CACNB4: variants seen among roughly 807,000 people sequenced by gnomAD.
CACNB4 encodes voltage-dependent L-type calcium channel subunit beta-4.
CACNB4 carries 32 observed loss-of-function variants against 71.2 expected under a neutral mutation model. The observed-to-expected ratio is 0.45, with a 90% CI of 0.34 to 0.60. The LOEUF is 0.60. Among genes scored for constraint, CACNB4 ranks in the 20% least tolerant of loss-of-function variants. The pLI is 0.01. For synonymous variants in CACNB4, 231 were observed against 236.9 expected (o/e 0.97, Z 0.23); for missense variants, 464 against 647.9 (o/e 0.72, Z 3.08).
chr2:151,926,803 A>G (rs1350350009), intron 2 of CACNB4, among the ~76,000 whole-genome samples: 1 of 152,192 alleles, frequency 6.6e-6, no homozygotes, highest in African/African-American at 2.4e-5. Flanking sequence ...CTGCTCTACA[A>G]GTGCTCCGAT....
At chr2:151,953,391 C>G (rs1207896167) in intron 2 of CACNB4, among the ~76,000 whole-genome samples, 1 of 152,200 alleles carries the variant, frequency 6.6e-6, no homozygotes, top group African/African-American at 2.4e-5. Context: ...TCCTTTCAAG[C>G]CCTCCAACTC....
At chr2:151,876,095 C>A (rs960131576) in intron 5 of CACNB4, among the ~76,000 whole-genome samples, 2 of 152,092 alleles carry the variant, frequency 1.3e-5, no homozygotes, top group African/African-American at 4.8e-5. Flanking sequence ...GTAAGCGAAC[C>A]AAGAGGAGCC....
chr2:151,844,266 T>G (rs1157612409), intron 12 of CACNB4, among the ~76,000 whole-genome samples: 1 of 151,800 alleles, frequency 6.6e-6, no homozygotes, highest in Non-Finnish European at 1.5e-5. Context: ...TTCAGAAAAA[T>G]AAAGAGACTG....
At chr2:152,003,258 T>C (rs1287165326) in intron 2 of CACNB4, among the ~76,000 whole-genome samples, 2 of 151,730 alleles carry the variant, frequency 1.3e-5, no homozygotes, top group African/African-American at 2.4e-5. Context: ...GTCTGGCCAA[T>C]ATGGTGAAAC....
At chr2:152,007,932 C>T (rs2151790801) in intron 2 of CACNB4, among the ~76,000 whole-genome samples, 1 of 152,094 alleles carries the variant, frequency 6.6e-6, no homozygotes, top group Non-Finnish European at 1.5e-5. Flanking sequence ...CCACCATGCC[C>T]AGCTAATTTT....
At chr2:152,028,711 T>A (rs947788471) in intron 2 of CACNB4, among the ~76,000 whole-genome samples, 2 of 152,080 alleles carry the variant, frequency 1.3e-5, no homozygotes, top group African/African-American at 4.8e-5. Context: ...CAGCTTGCAG[T>A]GAGATTTGGG....
intron 2 of CACNB4, among the ~76,000 whole-genome samples, chr2:152,081,564 C>T (rs1337670536): frequency 6.6e-6 from 1 of 152,110 alleles, no homozygotes; most frequent in Non-Finnish European, 1.5e-5. Context: ...TGCAGACAGC[C>T]ACCCTCTAGC....
chr2:151,912,135 T>A (rs1298916685), intron 2 of CACNB4, among the ~76,000 whole-genome samples: 2 of 152,194 alleles, frequency 1.3e-5, no homozygotes, highest in Non-Finnish European at 2.9e-5. Flanking sequence ...GATTCGGTGA[T>A]TTTTTGGAGT....
intron 2 of CACNB4, among the ~76,000 whole-genome samples, chr2:151,911,918 T>C (rs2099856264): frequency 6.6e-6 from 1 of 152,242 alleles, no homozygotes; most frequent in African/African-American, 2.4e-5. Context: ...TGTCCAGGAA[T>C]TCATCCATTT....
chr2:152,031,440 G>A (rs557079720), intron 2 of CACNB4, among the ~76,000 whole-genome samples: 12 of 152,322 alleles, frequency 7.9e-5, no homozygotes, highest in Non-Finnish European at 1.2e-4. Context: ...GGATGAGAGA[G>A]CACACGCAGG....
intron 2 of CACNB4, among the ~76,000 whole-genome samples, chr2:152,026,578 T>C (rs1683987462): frequency 1.3e-5 from 2 of 151,968 alleles, no homozygotes; most frequent in Non-Finnish European, 2.9e-5. Context: ...AGAGATGAGG[T>C]TTCTCCATGT....
intron 2 of CACNB4, among the ~76,000 whole-genome samples, chr2:151,944,733 A>G (rs561280836): frequency 1.3e-5 from 2 of 152,338 alleles, no homozygotes; most frequent in South Asian, 2.1e-4. Context: ...CGGAGGTTGC[A>G]GTGAGCCAAG....
chr2:152,039,244 C>T (rs1397237163), intron 2 of CACNB4, among the ~76,000 whole-genome samples: 1 of 151,960 alleles, frequency 6.6e-6, no homozygotes, highest in African/African-American at 2.4e-5. Flanking sequence ...TGGTGAAACC[C>T]CATCTCTACT....
intron 2 of CACNB4, among the ~76,000 whole-genome samples, chr2:151,907,855 A>G (rs980624819): frequency 2.6e-5 from 4 of 152,230 alleles, no homozygotes; most frequent in Admixed American, 6.5e-5. Flanking sequence ...ATGTGGGCTG[A>G]GAATATTTCA....
chr2:152,095,444 AT>A lies in CACNB4; in HGVS notation c.147+2885del, dbSNP rs923276584. ...CTTCCCCATCCAATGTAACACATCGATTTTTTTTTTAATGAAAGCTTTTCTC... is the reference window on the plus strand; with the variant it reads ...CTTCCCCATCCAATGTAACACATCGATTTTTTTTTAATGAAAGCTTTTCTC... On this transcript the variant is annotated intron_variant, in intron 2 of 13. Transcript: ENST00000539935. Among the ~76,000 whole-genome samples, 191 of 149,184 alleles carry A rather than the reference AT, an allele frequency of 1.3e-3. 2 individuals are homozygous for A. Among genetic ancestry groups the A allele is most frequent in the African/African-American group, 3.8e-3 (157 of 40,852 alleles).
chr2:151,896,725 G>A (rs1486024990), intron 2 of CACNB4, among the ~76,000 whole-genome samples: 1 of 152,166 alleles, frequency 6.6e-6, no homozygotes, highest in Non-Finnish European at 1.5e-5. Flanking sequence ...GTGTGTTAGA[G>A]GTCATTATGG....
chr2:152,032,965 A>G (rs1351966401), intron 2 of CACNB4, among the ~76,000 whole-genome samples: 4 of 145,180 alleles, frequency 2.8e-5, no homozygotes, highest in Non-Finnish European at 6.1e-5. Context: ...TAAAAAAAAA[A>G]TAAATAAATA....
chr2:151,885,175 G>T (rs1278410410), intron 2 of CACNB4, among the ~76,000 whole-genome samples: 1 of 152,162 alleles, frequency 6.6e-6, no homozygotes, highest in African/African-American at 2.4e-5. Flanking sequence ...TCTAAATTTT[G>T]CCTCTGCAAC....
At chr2:151,845,516 A>G (rs977617799) in intron 12 of CACNB4, among the ~76,000 whole-genome samples, 3 of 152,224 alleles carry the variant, frequency 2.0e-5, no homozygotes, top group Admixed American at 6.5e-5. Flanking sequence ...AGAAATGCAA[A>G]AAGAAGCAAC....
Sources: gnomAD v4.1 joint callset for allele counts (sites outside exome capture counted in the v4.1 genomes callset) on GRCh38, gnomAD v4.1.1 for gene constraint, MANE v1.5 for transcripts, NCBI Gene and HGNC (gene_info 2026-07-23, HGNC 2026-07-21) for gene names.